Variants in LPIN2 observed in about 807,000 individuals in gnomAD.
LPIN2 encodes the protein lipin 2.
A neutral mutation model predicts 111.4 loss-of-function variants in LPIN2; 55 were observed. The observed-to-expected ratio is 0.49, with a 90% CI of 0.40 to 0.62. LPIN2 has a LOEUF of 0.62. Among genes scored for constraint, LPIN2 ranks in the 20% least tolerant of loss-of-function variants. The pLI is 0.00. For missense variants in LPIN2, 992 were observed against 1,112.1 expected, an observed-to-expected ratio of 0.89 and a Z score of 1.54; for synonymous variants, 425 against 414.0, an observed-to-expected ratio of 1.03 and a Z score of -0.32.
chr18:3,004,441 A>G (rs999309881), intron 1 of LPIN2, among the ~76,000 whole-genome samples: 18 of 152,186 alleles, frequency 1.2e-4, no homozygotes, highest in Admixed American at 1.2e-3. Context: ...GGGAAAACAG[A>G]AAGAACCTAT....
chr18:2,934,222 C>G (rs1356501245), intron 8 of LPIN2, 129 bp downstream of exon 8: 15 of 686,322 alleles, frequency 2.2e-5, no homozygotes, highest in Non-Finnish European at 3.8e-5. Flanking sequence ...TTTCCAAAAC[C>G]TGAAGCCATC....
chr18:2,924,398 T>G lies in LPIN2; in HGVS notation c.2087A>C (p.Lys696Thr). 1 of 1,614,178 alleles carries G rather than the reference T, an allele frequency of 6.2e-7. No individual in the cohort carries two copies. The highest frequency in any genetic ancestry group is 8.5e-7 in the Non-Finnish European group (1 of 1,180,020). The part of the protein sequence containing the change: ...IISDIDGTIT[K>T]SDALGQILPQ... ...CACCCACCTGAAGGATTGAGCTTAC[T>G]TGGTTATTGTCCCATCAATATCAGA... The change falls in exon 15 of 20, where the codon AAG becomes ACG. Residue 696 changes from lysine to threonine, a missense_variant and splice_region_variant. Coordinates refer to ENST00000677752, the MANE Select transcript of LPIN2 (RefSeq NM_001375808.2).
intron 1 of LPIN2, among the ~76,000 whole-genome samples, chr18:3,012,627 C>T (rs1405110770): frequency 6.6e-6 from 1 of 152,316 alleles, no homozygotes; most frequent in Non-Finnish European, 1.5e-5. Flanking sequence ...GATCACGTGC[C>T]CGGCGCCCCC....
chr18:2,929,104 A>G lies in LPIN2; in HGVS notation c.1511T>C (p.Leu504Pro). The G allele has an allele frequency of 6.2e-7, 1 of 1,606,566 alleles. No homozygotes were observed. Among genetic ancestry groups the G allele is most frequent in the East Asian group, 2.2e-5 (1 of 44,764 alleles). ...TYHEFAENPG[L>P]IDNPNLVIRI... Reference sequence around the variant, plus strand: ...TATTACAAGGTTAGGATTGTCTATAAGTCCAGGGTTTTCTGCAAATTCGTG... The same window carrying G: ...TATTACAAGGTTAGGATTGTCTATAGGTCCAGGGTTTTCTGCAAATTCGTG... The change falls in exon 10 of 20, where the codon CTT (leucine) becomes CCT (proline). Residue 504 changes from leucine (L) to proline (P), a missense_variant. Transcript: ENST00000677752.
rs1415808547 is a variant in LPIN2 at position 2,971,517 on chromosome 18, C to T, written c.-9-10668G>A. Among the ~76,000 whole-genome samples, 6 of 152,198 alleles carry T rather than the reference C, an allele frequency of 3.9e-5. No individual in the cohort carries two copies. In the East Asian group the frequency reaches 9.7e-4, roughly 25 times the overall value. ...GTTCCGGTAAGGAAGAGAAAAGTCC[C>T]GCAAGCTTCACTGCTTCCTGAAAGC... On this transcript the variant is annotated intron_variant, in intron 1 of 19. Transcript: ENST00000677752.
At chr18:2,963,520 A>G (rs1165856949) in intron 1 of LPIN2, among the ~76,000 whole-genome samples, 1 of 152,040 alleles carries the variant, frequency 6.6e-6, no homozygotes, top group Non-Finnish European at 1.5e-5. Flanking sequence ...TATTCCTCCT[A>G]TTTTATCATG....
intron 3 of LPIN2, among the ~76,000 whole-genome samples, chr18:2,952,863 A>C (rs2077557800): frequency 6.6e-6 from 1 of 152,240 alleles, no homozygotes; most frequent in South Asian, 2.1e-4. Flanking sequence ...AATACTGTGC[A>C]GCTATTAAAA....
chr18:2,997,698 A>AT (rs1284409942), intron 1 of LPIN2, among the ~76,000 whole-genome samples: 2 of 152,234 alleles, frequency 1.3e-5, no homozygotes, highest in Admixed American at 1.3e-4. Context: ...TAAAAGCAGT[A>AT]TAACTCAAAA....
intron 4 of LPIN2, among the ~76,000 whole-genome samples, chr18:2,949,786 A>G (rs1416539611): frequency 6.6e-6 from 1 of 152,242 alleles, no homozygotes; most frequent in Non-Finnish European, 1.5e-5. Context: ...TATAATTATA[A>G]TATACTAATA....
chr18:2,939,787 G>T (rs1437463991), intron 5 of LPIN2, among the ~76,000 whole-genome samples, 184 bp from the exon 6 acceptor site: 1 of 152,090 alleles, frequency 6.6e-6, no homozygotes, highest in Admixed American at 6.6e-5. Flanking sequence ...TAATAAAAAT[G>T]ACACCAACTA....
intron 1 of LPIN2, among the ~76,000 whole-genome samples, chr18:2,969,988 T>C (rs2077879851): frequency 6.6e-6 from 1 of 152,222 alleles, no homozygotes; most frequent in African/African-American, 2.4e-5. Context: ...GACATTTTAA[T>C]GACAGCTGAC....
rs753956264 is a variant in LPIN2 at position 2,960,432 on chromosome 18, G to C, written c.192+217C>G. Among the ~76,000 whole-genome samples, 4 of 150,442 alleles carry C rather than the reference G, an allele frequency of 2.7e-5. No individual in the cohort carries two copies. The East Asian group carries it at 5.8e-4, about 22-fold the overall frequency. ...TTCCCTTGAAGAGACTTCTGCAGTC[G>C]AGCTTTGTGGTTTTCAAAGTAACTT... On this transcript the variant is annotated intron_variant, in intron 2 of 19. Coordinates refer to ENST00000677752, the MANE Select transcript of LPIN2 (RefSeq NM_001375808.2).
intron 9 of LPIN2, 35 bp downstream of exon 9, chr18:2,931,221 C>A (rs747431798): frequency 1.2e-6 from 2 of 1,608,360 alleles, no homozygotes; most frequent in Non-Finnish European, 1.7e-6. Flanking sequence ...AGATTGCTCT[C>A]TGAAATGAAG....
At chr18:3,002,878 G>C (rs1200529460) in intron 1 of LPIN2, among the ~76,000 whole-genome samples, 1 of 152,190 alleles carries the variant, frequency 6.6e-6, no homozygotes, top group Non-Finnish European at 1.5e-5. Context: ...CCTGCTTTAC[G>C]CAGAAGCAGA....
chr18:2,946,299 T>C (rs777131248), intron 4 of LPIN2: 3 of 1,509,464 alleles, frequency 2.0e-6, no homozygotes, highest in Non-Finnish European at 2.8e-6. Context: ...TTCTCCTCAG[T>C]AGTCTTGACC....
chr18:2,961,350 T>C (rs2077710049), intron 1 of LPIN2, among the ~76,000 whole-genome samples: 1 of 152,190 alleles, frequency 6.6e-6, no homozygotes, highest in East Asian at 1.9e-4. Context: ...TAAGGAACTA[T>C]TATTACCAGA....
At chr18:2,930,974 G>A (rs543915212) in intron 9 of LPIN2, among the ~76,000 whole-genome samples, 4 of 152,058 alleles carry the variant, frequency 2.6e-5, no homozygotes, top group East Asian at 3.9e-4. Context: ...TGTGATGATC[G>A]CACCCTGGCA....
In LPIN2 at chr18:3,012,726, G is replaced by T. The variant is rs540104015; in HGVS notation, c.-10+361C>A. 5.1e-3 allele frequency among the ~76,000 whole-genome samples: 773 copies of T among 152,238 alleles called. 7 individuals are homozygous for T. Among genetic ancestry groups the T allele is most frequent in the Non-Finnish European group, 4.6e-3 (315 of 67,964 alleles). Reference sequence around the variant, plus strand: ...CGCCCCAAACCCAGGGGTAGGGGTGGTCTCGGGTAACCATCCCCAGGGCGG... The same window carrying T: ...CGCCCCAAACCCAGGGGTAGGGGTGTTCTCGGGTAACCATCCCCAGGGCGG... On this transcript the variant is annotated intron_variant, in intron 1 of 19. Coordinates refer to ENST00000677752, the MANE Select transcript of LPIN2 (RefSeq NM_001375808.2).
chr18:2,924,275 GGCTT>G, intron 15 of LPIN2, 119 bp downstream of exon 15: 1 of 1,228,012 alleles, frequency 8.1e-7, no homozygotes, highest in Non-Finnish European at 1.2e-6. Context: ...CAGAGCATAT[GGCTT>G]ATAAAATGCC....
Sources: gnomAD v4.1 joint callset for allele counts (sites outside exome capture counted in the v4.1 genomes callset) on GRCh38, gnomAD v4.1.1 for gene constraint, MANE v1.5 for transcripts, NCBI Gene and HGNC (gene_info 2026-07-23, HGNC 2026-07-21) for gene names.